SSH3: variants seen among roughly 807,000 people sequenced by gnomAD.
The protein encoded by SSH3 is protein phosphatase Slingshot homolog 3.
A neutral mutation model predicts 75.0 loss-of-function variants in SSH3; 67 were observed. The ratio of observed to expected loss-of-function variants is 0.89; its 90% CI spans 0.73 to 1.10. The LOEUF is 1.10. SSH3 is among the 50% of genes least tolerant of loss of function. SSH3 has a pLI of 0.00. For missense variants in SSH3, 824 were observed against 872.7 expected, an observed-to-expected ratio of 0.94 and a Z score of 0.70; for synonymous variants, 318 against 349.2, an observed-to-expected ratio of 0.91 and a Z score of 1.00.
In SSH3 at chr11:67,307,125, C is replaced by T. The variant is rs1370268798; in HGVS notation, c.536+12C>T. ...TTAGATGGAGACGGGTAAGCAATGG[C>T]AACTGGAGGTGGGGGCTGGAGGGTG... On this transcript the variant is annotated intron_variant, in intron 5 of 13. Coordinates refer to ENST00000308127, the MANE Select transcript of SSH3 (RefSeq NM_017857.4). This position sits in a 1 kb window ranked among gnomAD's most constrained non-coding sequence, Gnocchi z 4.2. The T allele has an allele frequency of 1.9e-6, 3 of 1,612,984 alleles. No individual in the cohort carries two copies. The highest frequency in any genetic ancestry group is 2.5e-6 in the Non-Finnish European group (3 of 1,179,866).
chr11:67,309,917 AC>A lies in SSH3; in HGVS notation c.1361del (p.Pro454LeufsTer14). On this transcript the variant is annotated frameshift_variant, in exon 12 of 14. Coordinates refer to ENST00000308127, the MANE Select transcript of SSH3 (RefSeq NM_017857.4). ...GAGCTCCGGCCCATCGCCCGCCCCAACCCTGGCTTCCTGCGCCAGCTGCAGA... is the reference window on the plus strand; with the variant it reads ...GAGCTCCGGCCCATCGCCCGCCCCAACCTGGCTTCCTGCGCCAGCTGCAGA... ...VQELRPIARP[N>X]PGFLRQLQIY... 6.2e-7 allele frequency: 1 copy of A among 1,611,074 alleles called. No individual in the cohort carries two copies. The highest frequency in any genetic ancestry group is 1.3e-5 in the African/African-American group (1 of 75,042).
Position 67,307,784 on chromosome 11 carries a change from A to G in SSH3, c.791+47A>G. ...ACTGGGTGGAGGGGAAGGCAGGATA[A>G]TGCAGTGGGGGGCATGGTGGAGAGG... On this transcript the variant is annotated intron_variant, in intron 7 of 13. Coordinates refer to ENST00000308127, the MANE Select transcript of SSH3 (RefSeq NM_017857.4). The surrounding 1 kb of genome is among the most constrained non-coding windows in gnomAD (Gnocchi z 4.2). 6.2e-7 allele frequency: 1 copy of G among 1,613,846 alleles called. No homozygotes were observed. Among genetic ancestry groups the G allele is most frequent in the South Asian group, 1.1e-5 (1 of 91,076 alleles).
At chr11:67,304,746 C>T (rs1445708566) in intron 2 of SSH3, 27 bp from the exon 3 acceptor site, 1 of 1,572,184 alleles carries the variant, frequency 6.4e-7, no homozygotes, top group African/African-American at 1.3e-5. Flanking sequence ...AATGAGGAGC[C>T]ATGACAGTTG....
intron 3 of SSH3, among the ~76,000 whole-genome samples, chr11:67,305,284 T>C (rs919102444): frequency 1.3e-5 from 2 of 151,940 alleles, no homozygotes; most frequent in Non-Finnish European, 2.9e-5. Flanking sequence ...CCTCCCGGGT[T>C]CACACCATTC....
intron 1 of SSH3, 99 bp downstream of exon 1, chr11:67,303,790 G>T (rs1861137249): frequency 7.8e-7 from 1 of 1,288,132 alleles, no homozygotes; most frequent in African/African-American, 1.6e-5. Flanking sequence ...GGGGACATGA[G>T]GAGGGGGCCC....
Position 67,311,967 on chromosome 11 carries a change from G to T in SSH3, c.*80G>T. On this transcript the variant is annotated 3_prime_UTR_variant, in exon 14 of 14. Transcript: ENST00000308127. ...GAGAAACACCCTCACGTCTGTTGCC[G>T]CACACATTCCTCTCAGCTCCGCCCC... is the stretch of plus-strand genomic sequence containing the variant. 7.0e-6 allele frequency: 11 copies of T among 1,562,474 alleles called. No homozygotes were observed. Among genetic ancestry groups the T allele is most frequent in the Non-Finnish European group, 9.5e-6 (11 of 1,157,816 alleles).
In SSH3 at chr11:67,310,057, T is replaced by G; in HGVS notation, c.1410-9T>G. 6.2e-7 allele frequency: 1 copy of G among 1,611,750 alleles called. No homozygotes were observed. ...CACTCAGAGCTGACTCAGGGCCACCTCCTCACAGCCGCCAGAGCCATGTCT... is the reference window on the plus strand; with the variant it reads ...CACTCAGAGCTGACTCAGGGCCACCGCCTCACAGCCGCCAGAGCCATGTCT... On this transcript the variant is annotated splice_polypyrimidine_tract_variant and intron_variant, in intron 12 of 13. Transcript: ENST00000308127.
chr11:67,307,499 G>A lies in SSH3; in HGVS notation c.603-50G>A. On this transcript the variant is annotated intron_variant, in intron 6 of 13. Transcript: ENST00000308127. The surrounding 1 kb of genome is among the most constrained non-coding windows in gnomAD (Gnocchi z 4.2). ...CCTTCGAAGGAGGCTGCAGGGCCTGGGGAAGGGCAGCAAGGGAACAGTGTG... is the reference window on the plus strand; with the variant it reads ...CCTTCGAAGGAGGCTGCAGGGCCTGAGGAAGGGCAGCAAGGGAACAGTGTG... The A allele has an allele frequency of 6.2e-7, 1 of 1,612,838 alleles. No homozygotes were observed. The highest frequency in any genetic ancestry group is 2.2e-5 in the East Asian group (1 of 44,854).
In SSH3 at chr11:67,304,947, G is replaced by T. The variant is rs146605334; in HGVS notation, c.279G>T (p.Glu93Asp). The T allele has an allele frequency of 5.6e-6, 9 of 1,613,448 alleles. No individual in the cohort carries two copies. The highest frequency in any genetic ancestry group is 6.8e-6 in the Non-Finnish European group (8 of 1,179,980). Residue 93 changes from glutamate to aspartate, a missense_variant, in exon 3 of 14, where the codon GAG becomes GAT. Transcript: ENST00000308127. ...QGSQSPQKQE[E>D]QRQHLHLMVQ... is the part of the protein sequence containing the mutation. ...CCCAGAGTCCCCAGAAGCAGGAGGAGCAGAGGCAGCACCTGCACCTCATGG... is the reference window on the plus strand; with the variant it reads ...CCCAGAGTCCCCAGAAGCAGGAGGATCAGAGGCAGCACCTGCACCTCATGG...
rs780925013 is a variant in SSH3, at chr11:67,306,857, C to T, written c.359C>T (p.Pro120Leu). The T allele has an allele frequency of 1.2e-6, 2 of 1,612,274 alleles. No individual in the cohort carries two copies. The highest frequency in any genetic ancestry group is 2.2e-5 in the South Asian group (2 of 90,976). The change falls in exon 4 of 14, where the codon CCC (proline) becomes CTC (leucine). Residue 120 changes from proline to leucine, a missense_variant. Pro to Leu is a moderately conservative substitution (Grantham distance 98). Coordinates refer to ENST00000308127, the MANE Select transcript of SSH3 (RefSeq NM_017857.4). The stretch of plus-strand genomic sequence containing the variant: ...CCCCAGGCAGCCCAGCTGGAGGCAC[C>T]CCGGCCTCCCCGGCTCCGCTACCTG... ...DIRLAAQLEAPRPPRLRYLLV... is the reference protein window; with the variant it reads ...DIRLAAQLEALRPPRLRYLLV...
At position 67,308,334 on chromosome 11, in the gene SSH3, C is replaced by T; in HGVS notation, c.1014+32C>T. Reference sequence around the variant, plus strand: ...TTCAGCCAGGCCTGGGCCATGGGGACCGCTGGCAGCTGTGAGGGCGGCAGG... The same window carrying T: ...TTCAGCCAGGCCTGGGCCATGGGGATCGCTGGCAGCTGTGAGGGCGGCAGG... On this transcript the variant is annotated intron_variant, in intron 9 of 13. Transcript: ENST00000308127. This position sits in a 1 kb window ranked among gnomAD's most constrained non-coding sequence, Gnocchi z 4.9. 1.9e-6 allele frequency: 3 copies of T among 1,613,542 alleles called. No individual in the cohort carries two copies. The highest frequency in any genetic ancestry group is 2.5e-6 in the Non-Finnish European group (3 of 1,179,518).
Position 67,308,534 on chromosome 11 carries a change from C to T in SSH3, c.1061+76C>T, listed in dbSNP as rs761432855. ...CCTCCCCGCATTGGGTGGTAGCCAGCTTCAAAAACCCCTGGACCACCCTCA... is the reference window on the plus strand; with the variant it reads ...CCTCCCCGCATTGGGTGGTAGCCAGTTTCAAAAACCCCTGGACCACCCTCA... On this transcript the variant is annotated intron_variant, in intron 10 of 13. Coordinates refer to ENST00000308127, the MANE Select transcript of SSH3 (RefSeq NM_017857.4). This position sits in a 1 kb window ranked among gnomAD's most constrained non-coding sequence, Gnocchi z 4.9. 5.2e-5 allele frequency: 79 copies of T among 1,530,092 alleles called. No individual in the cohort carries two copies. The highest frequency in any genetic ancestry group is 6.1e-5 in the Non-Finnish European group (69 of 1,131,104). The allele number at this position is 1,530,092 out of a possible 1,614,324, so 94.8% of individuals were successfully genotyped here. A position where few individuals can be genotyped will look rare whatever the true frequency, so the allele number is the denominator to read the frequency against.
In SSH3 at chr11:67,306,929, C is replaced by G; in HGVS notation, c.431C>G (p.Thr144Arg). ...REGEGLSQDE[T>R]VLLGVDFPDS... Reference sequence around the variant, plus strand: ...GGAGAAGGTCTGAGCCAGGATGAGACGGTCCTCCTGGGCGTGGATTTCCCT... The same window carrying G: ...GGAGAAGGTCTGAGCCAGGATGAGAGGGTCCTCCTGGGCGTGGATTTCCCT... Residue 144 changes from threonine to arginine, a missense_variant, in exon 4 of 14, where the codon ACG becomes AGG. Thr to Arg is a moderately conservative substitution (Grantham distance 71). Transcript: ENST00000308127. The G allele has an allele frequency of 6.2e-7, 1 of 1,613,456 alleles. No individual in the cohort carries two copies. Among genetic ancestry groups the G allele is most frequent in the Non-Finnish European group, 8.5e-7 (1 of 1,179,540 alleles).
chr11:67,307,875 C>T lies in SSH3; in HGVS notation c.821C>T (p.Ala274Val), dbSNP rs756680076. The change falls in exon 8 of 14, where the codon GCG (alanine) becomes GTG (valine). Residue 274 changes from alanine (A) to valine (V), a missense_variant. Coordinates refer to ENST00000308127, the MANE Select transcript of SSH3 (RefSeq NM_017857.4). The surrounding 1 kb of genome is among the most constrained non-coding windows in gnomAD (Gnocchi z 4.2). The part of the protein sequence containing the change: ...GSSEQEQMEQ[A>V]IRAELWKVLD... ...TCAGAACAGGAGCAGATGGAGCAGG[C>T]GATCCGTGCTGAGCTGTGGAAAGTG... 9.3e-6 allele frequency: 15 copies of T among 1,614,068 alleles called. No individual in the cohort carries two copies. The highest frequency in any genetic ancestry group is 2.2e-5 in the South Asian group (2 of 91,090).
chr11:67,308,259 C>T lies in SSH3; in HGVS notation c.971C>T (p.Ala324Val), dbSNP rs763871224. 6.2e-7 allele frequency: 1 copy of T among 1,614,154 alleles called. No homozygotes were observed. Among genetic ancestry groups the T allele is most frequent in the Non-Finnish European group, 8.5e-7 (1 of 1,180,032 alleles). ...FIDNQMLLLV[A>V]QRDRASRIFP... ...GACAACCAGATGCTGCTGCTGGTGG[C>T]ACAGCGGGACCGAGCCTCCCGCATC... is the stretch of plus-strand genomic sequence containing the variant. The change falls in exon 9 of 14, where the codon GCA becomes GTA. Residue 324 changes from alanine to valine, a missense_variant. Coordinates refer to ENST00000308127, the MANE Select transcript of SSH3 (RefSeq NM_017857.4). The surrounding 1 kb of genome is among the most constrained non-coding windows in gnomAD (Gnocchi z 4.9).
intron 13 of SSH3, among the ~76,000 whole-genome samples, chr11:67,311,358 A>G (rs944290550): frequency 2.0e-5 from 3 of 152,052 alleles, no homozygotes; most frequent in African/African-American, 7.2e-5. Flanking sequence ...AGGAAGCTAC[A>G]AGCAGGTAGG....
intron 11 of SSH3, 44 bp downstream of exon 11, chr11:67,309,587 C>T (rs776681613): frequency 6.9e-6 from 11 of 1,601,796 alleles, no homozygotes; most frequent in East Asian, 4.5e-5. Context: ...TGGCTTCAAG[C>T]GGCCTCCGGT....
chr11:67,309,274 A>G, intron 10 of SSH3, 123 bp from the exon 11 acceptor site: 1 of 1,249,452 alleles, frequency 8.0e-7, no homozygotes, highest in Admixed American at 2.0e-5. Flanking sequence ...TCCCACTGTC[A>G]CTGCTGCCTC....
In SSH3 at chr11:67,304,927, A is replaced by G. The variant is rs922194628; in HGVS notation, c.259A>G (p.Ser87Gly). 9.3e-6 allele frequency: 15 copies of G among 1,613,752 alleles called. No homozygotes were observed. Among genetic ancestry groups the G allele is most frequent in the South Asian group, 3.3e-5 (3 of 91,084 alleles). Residue 87 changes from serine (S) to glycine (G), a missense_variant, in exon 3 of 14, where the codon AGT becomes GGT. Coordinates refer to ENST00000308127, the MANE Select transcript of SSH3 (RefSeq NM_017857.4). ...DQTDFGQGSQ[S>G]PQKQEEQRQH... Reference sequence around the variant, plus strand: ...GACAGACTTCGGGCAAGGATCCCAGAGTCCCCAGAAGCAGGAGGAGCAGAG... The same window carrying G: ...GACAGACTTCGGGCAAGGATCCCAGGGTCCCCAGAAGCAGGAGGAGCAGAG...
Sources: gnomAD v4.1 joint callset for allele counts (sites outside exome capture counted in the v4.1 genomes callset) on GRCh38, gnomAD v4.1.1 for gene constraint, Gnocchi (gnomAD v3.1) non-coding constraint, MANE v1.5 for transcripts, NCBI Gene and HGNC (gene_info 2026-07-23, HGNC 2026-07-21) for gene names.